The following METTL9 variants were observed in gnomAD, a reference collection of about 807,000 sequenced individuals.
METTL9 encodes the protein methyltransferase 9, His-X-His N1(pi)-histidine.
Under a neutral mutation model 36.0 loss-of-function variants are expected in METTL9, and 10 were observed. The ratio of observed to expected loss-of-function variants is 0.28; its 90% CI spans 0.17 to 0.47. METTL9 has a LOEUF of 0.47. Among genes scored for constraint, METTL9 ranks in the 20% least tolerant of loss-of-function variants. The pLI, the probability that METTL9 is intolerant of heterozygous loss-of-function variation, is 0.99. For missense variants in METTL9, 246 were observed against 383.5 expected, an observed-to-expected ratio of 0.64 and a Z score of 3.00; for synonymous variants, 175 against 149.7, an observed-to-expected ratio of 1.17 and a Z score of -1.23.
chr16:21,600,517 T>C (rs1429627040), intron 1 of METTL9, among the ~76,000 whole-genome samples: 1 of 152,186 alleles, frequency 6.6e-6, no homozygotes, highest in Non-Finnish European at 1.5e-5. Context: ...AGCAGAGATC[T>C]CCTTTAAACT....
rs191346185 is a variant in METTL9 at position 21,608,357 on chromosome 16, T to C, written c.166-4288T>C. ...TTCACCTTAAGGGCAAGGTGACTGC[T>C]CCTTTAAGGCTCTGAAGCTCCTCGC... On this transcript the variant is annotated intron_variant, in intron 1 of 4. Transcript: ENST00000358154. Among the ~76,000 whole-genome samples the C allele has an allele frequency of 2.0e-4, 31 of 152,286 alleles. No individual in the cohort carries two copies. In the East Asian group the frequency reaches 5.6e-3, roughly 28 times the overall value.
intron 4 of METTL9, among the ~76,000 whole-genome samples, chr16:21,639,297 G>A (rs1322769712): frequency 6.6e-6 from 1 of 152,142 alleles, no homozygotes; most frequent in Non-Finnish European, 1.5e-5. Context: ...CATATTGTGA[G>A]TCAAATACTA....
At chr16:21,598,715 G>A (rs915108669), upstream of METTL9, among the ~76,000 whole-genome samples, 1 of 152,066 alleles carries the variant, frequency 6.6e-6, no homozygotes. Flanking sequence ...ATAAATATCC[G>A]GGTTAAACAC....
intron 4 of METTL9, chr16:21,641,701 G>A: frequency 1.7e-6 from 1 of 586,876 alleles, no homozygotes; most frequent in South Asian, 2.3e-5. Context: ...TGGGTCCTAA[G>A]TGTCCATATG....
rs542566271 is a variant in METTL9 at position 21,599,973 on chromosome 16, G to T, written c.165+75G>T. On this transcript the variant is annotated intron_variant, in intron 1 of 4. Coordinates refer to ENST00000358154, the MANE Select transcript of METTL9 (RefSeq NM_016025.5). This position sits in a 1 kb window ranked among gnomAD's most constrained non-coding sequence, Gnocchi z 4.4. ...CCGCGCTGGGCCCGGCTATTGTGCGGGACGGCTCCGCGAGGGGGCGGCCCG... is the reference window on the plus strand; with the variant it reads ...CCGCGCTGGGCCCGGCTATTGTGCGTGACGGCTCCGCGAGGGGGCGGCCCG... 6.8e-6 allele frequency: 8 copies of T among 1,183,866 alleles called. No homozygotes were observed. The highest frequency in any genetic ancestry group is 7.4e-6 in the Non-Finnish European group (7 of 951,084). The allele number at this position is 1,183,866 out of a possible 1,614,324, so 73.3% of individuals were successfully genotyped here.
In METTL9 at chr16:21,599,731, C is replaced by T. The variant is rs1255426460; in HGVS notation, c.-3C>T. ...TGATCCGAGCGAGCGGCCGCGGCCC[C>T]CGATGAGACTGCTGGCGGGCTGGCT... On this transcript the variant is annotated 5_prime_UTR_variant, in exon 1 of 5. Coordinates refer to ENST00000358154, the MANE Select transcript of METTL9 (RefSeq NM_016025.5). This position sits in a 1 kb window ranked among gnomAD's most constrained non-coding sequence, Gnocchi z 4.4. 1 of 1,507,854 alleles carries T rather than the reference C, an allele frequency of 6.6e-7. No homozygotes were observed. The highest frequency in any genetic ancestry group is 2.2e-5 in the Admixed American group (1 of 46,186). The allele number at this position is 1,507,854 out of a possible 1,614,324, so 93.4% of individuals were successfully genotyped here.
rs1965508282 is a variant in METTL9 at position 21,614,582 on chromosome 16, CTA to C, written c.356+1748_356+1749del. Among the ~76,000 whole-genome samples the C allele has an allele frequency of 2.0e-5, 3 of 152,192 alleles. No individual in the cohort carries two copies. In the South Asian group the frequency reaches 6.2e-4, roughly 31 times the overall value. ...CTTGTGTCCCATTCTCAGCTAAAAA[CTA>C]AATTTTAGGGCCCATCAGTACTTTC... is the stretch of plus-strand genomic sequence containing the variant. On this transcript the variant is annotated intron_variant, in intron 2 of 4. Coordinates refer to ENST00000358154, the MANE Select transcript of METTL9 (RefSeq NM_016025.5).
intron 4 of METTL9, among the ~76,000 whole-genome samples, chr16:21,633,220 A>G (rs1366059630): frequency 6.6e-6 from 1 of 152,120 alleles, no homozygotes; most frequent in Non-Finnish European, 1.5e-5. Flanking sequence ...CCCTCTGGCT[A>G]AGATTAGGTC....
intron 4 of METTL9, 54 bp downstream of exon 4, chr16:21,625,169 T>C: frequency 6.3e-7 from 1 of 1,577,952 alleles, no homozygotes; most frequent in African/African-American, 1.3e-5. Flanking sequence ...TTATTGGTAT[T>C]TGTGATTTTG....
At chr16:21,630,588 G>T (rs1164393274) in intron 4 of METTL9, among the ~76,000 whole-genome samples, 1 of 152,234 alleles carries the variant, frequency 6.6e-6, no homozygotes, top group East Asian at 1.9e-4. Flanking sequence ...TGCTGGATAG[G>T]GGCGAAGAAG....
At chr16:21,632,923 G>A (rs1314766586) in intron 4 of METTL9, among the ~76,000 whole-genome samples, 1 of 152,110 alleles carries the variant, frequency 6.6e-6, no homozygotes, top group East Asian at 1.9e-4. Flanking sequence ...TTTGTTCTGT[G>A]GGAAGGCTTA....
Position 21,612,818 on chromosome 16 carries a change from T to G in METTL9, c.339T>G (p.Ser113=). The part of the protein sequence containing the change: ...FVSSVFSLFM[S]RTSINGLLGR... ...CATCTGTTTTTAGCCTGTTTATGTC[T>G]AGAACATCTATCAATGGGTAAGTGA... is the stretch of plus-strand genomic sequence containing the variant. The change falls in exon 2 of 5, where the codon TCT becomes TCG. Residue 113 remains serine (S), a synonymous_variant. Transcript: ENST00000358154. 2.5e-6 allele frequency: 4 copies of G among 1,602,590 alleles called. No individual in the cohort carries two copies. The highest frequency in any genetic ancestry group is 3.4e-6 in the Non-Finnish European group (4 of 1,176,264).
intron 4 of METTL9, among the ~76,000 whole-genome samples, chr16:21,628,155 A>G (rs1965856608): frequency 6.6e-6 from 1 of 152,242 alleles, no homozygotes; most frequent in Non-Finnish European, 1.5e-5. Flanking sequence ...AGTTCTTACC[A>G]GCACATATGT....
At chr16:21,619,028 C>A (rs1471321868) in intron 3 of METTL9, among the ~76,000 whole-genome samples, 1 of 152,084 alleles carries the variant, frequency 6.6e-6, no homozygotes, top group Admixed American at 6.5e-5. Context: ...AATGATAATT[C>A]GCTGTATGCA....
chr16:21,620,767 G>C (rs370176038), intron 3 of METTL9, among the ~76,000 whole-genome samples: 1 of 152,134 alleles, frequency 6.6e-6, no homozygotes, highest in Non-Finnish European at 1.5e-5. Flanking sequence ...TTTCACAAAA[G>C]TGGTAAATTT....
At chr16:21,632,184 T>A (rs771596733) in intron 4 of METTL9, among the ~76,000 whole-genome samples, 1 of 151,852 alleles carries the variant, frequency 6.6e-6, no homozygotes, top group Non-Finnish European at 1.5e-5. Flanking sequence ...TTAATGGGGG[T>A]TCCCCCCAGA....
At chr16:21,646,995 G>T in intron 4 of METTL9, 1 of 1,164,782 alleles carries the variant, frequency 8.6e-7, no homozygotes, top group Non-Finnish European at 1.3e-6. Flanking sequence ...GGTGACTTGT[G>T]TTCAGATCAC....
Position 21,612,683 on chromosome 16 carries a change from C to G in METTL9, c.204C>G (p.Leu68=). 6.3e-7 allele frequency: 1 copy of G among 1,596,018 alleles called. No individual in the cohort carries two copies. The highest frequency in any genetic ancestry group is 8.5e-7 in the Non-Finnish European group (1 of 1,174,016). ...ACAGAGAGAAATTATGCGAATCACT[C>G]CAGGCTGTCTTTGTTCAGAGTTACC... ...VCNREKLCES[L]QAVFVQSYLD... is the part of the protein sequence containing the mutation. Residue 68 remains leucine, a synonymous_variant, in exon 2 of 5, where the codon CTC becomes CTG. Coordinates refer to ENST00000358154, the MANE Select transcript of METTL9 (RefSeq NM_016025.5).
At chr16:21,613,844 T>C (rs1031405885) in intron 2 of METTL9, among the ~76,000 whole-genome samples, 3 of 151,652 alleles carry the variant, frequency 2.0e-5, no homozygotes, top group Admixed American at 6.6e-5. Context: ...TTTTTTTTTT[T>C]TTTCAATCCT....
Sources: gnomAD v4.1 joint callset for allele counts (sites outside exome capture counted in the v4.1 genomes callset) on GRCh38, gnomAD v4.1.1 for gene constraint, Gnocchi (gnomAD v3.1) non-coding constraint, MANE v1.5 for transcripts, NCBI Gene and HGNC (gene_info 2026-07-23, HGNC 2026-07-21) for gene names.